ERAP1: variants seen among roughly 807,000 people sequenced by gnomAD.
The protein encoded by ERAP1 is endoplasmic reticulum aminopeptidase 1.
In ERAP1, 86 loss-of-function variants were observed where a neutral mutation model predicts 103.7. That is an observed-to-expected ratio of 0.83 (90% CI 0.70 to 0.99). The LOEUF (loss-of-function observed/expected upper bound fraction) is 0.99. Ranked by LOEUF, ERAP1 falls within the 50% of genes least tolerant of loss-of-function variation. The pLI is 0.00. For missense variants in ERAP1, 1,009 were observed against 1,128.4 expected (o/e 0.89, Z 1.52); for synonymous variants, 398 against 402.4 (o/e 0.99, Z 0.13).
chr5:96,908,982 CA>C, the ERAP1 span: 1 of 1,614,118 alleles, frequency 6.2e-7, no homozygotes, highest in Non-Finnish European at 8.5e-7. Flanking sequence ...TGACCCTAGA[CA>C]AAGCTCTTGA....
At chr5:96,876,858 A>G in the ERAP1 span, among the ~76,000 whole-genome samples, 40 of 152,366 alleles carry the variant, frequency 2.6e-4, no homozygotes, top group African/African-American at 9.4e-4. Flanking sequence ...AAAGCCCACC[A>G]GACCAAAGGG....
At chr5:96,803,975 T>C (rs1444539072) in intron 1 of ERAP1, 32 bp from the exon 2 acceptor site, 16 of 1,595,970 alleles carry the variant, frequency 1.0e-5, no homozygotes, top group African/African-American at 1.3e-5. Context: ...AGCAAAAATA[T>C]ATGTCATTAA....
chr5:96,814,578 T>C, the ERAP1 span, among the ~76,000 whole-genome samples: 4 of 152,152 alleles, frequency 2.6e-5, no homozygotes, highest in African/African-American at 4.8e-5. Flanking sequence ...GAGCTGAAAA[T>C]AGGAATATCT....
the ERAP1 span, among the ~76,000 whole-genome samples, chr5:96,838,728 G>A: frequency 6.6e-6 from 1 of 152,130 alleles, no homozygotes; most frequent in African/African-American, 2.4e-5. Flanking sequence ...GAACTGGAAA[G>A]GCCTCACAGA....
At chr5:96,783,746 A>T (rs1420403433) in intron 14 of ERAP1, among the ~76,000 whole-genome samples, 178 bp downstream of exon 14, 1 of 236 alleles carries the variant, frequency 4.2e-3, no homozygotes, top group Non-Finnish European at 6.9e-3. Flanking sequence ...GCCAAATAAA[A>T]CCAAAATCTT....
the ERAP1 span, among the ~76,000 whole-genome samples, chr5:96,842,147 A>G: frequency 5.6e-3 from 857 of 152,284 alleles, 11 homozygotes; most frequent in Admixed American, 0.014. Context: ...GTAGTATTCC[A>G]TGGTATATGT....
chr5:96,823,374 T>C, the ERAP1 span, among the ~76,000 whole-genome samples: 1 of 152,196 alleles, frequency 6.6e-6, no homozygotes, highest in Non-Finnish European at 1.5e-5. Flanking sequence ...TTCCCATCTT[T>C]CTACTTTTCA....
the ERAP1 span, among the ~76,000 whole-genome samples, chr5:96,838,530 A>G: frequency 6.6e-6 from 1 of 152,228 alleles, no homozygotes; most frequent in Non-Finnish European, 1.5e-5. Context: ...CTTGTATTGT[A>G]ACTTGAATTC....
chr5:96,884,729 T>G, the ERAP1 span, among the ~76,000 whole-genome samples: 1 of 151,752 alleles, frequency 6.6e-6, no homozygotes, highest in African/African-American at 2.4e-5. Context: ...GACTAACTTT[T>G]TTTGTATTTT....
the ERAP1 span, among the ~76,000 whole-genome samples, chr5:96,832,188 G>A: frequency 2.6e-5 from 4 of 152,114 alleles, no homozygotes; most frequent in East Asian, 3.9e-4. Context: ...CTATATTAAC[G>A]GAAGCTCTCT....
At chr5:96,802,991 G>C (rs904482498) in intron 2 of ERAP1, among the ~76,000 whole-genome samples, 1 of 151,910 alleles carries the variant, frequency 6.6e-6, no homozygotes, top group African/African-American at 2.4e-5. Context: ...GAGGGAGCAC[G>C]GGCCTGCTGA....
At chr5:96,904,798 A>C in the ERAP1 span, among the ~76,000 whole-genome samples, 1 of 152,234 alleles carries the variant, frequency 6.6e-6, no homozygotes, top group Non-Finnish European at 1.5e-5. Context: ...CTATCCACTT[A>C]GATTGTCTAA....
chr5:96,930,856 C>A, the ERAP1 span, among the ~76,000 whole-genome samples: 1 of 152,144 alleles, frequency 6.6e-6, no homozygotes, highest in Non-Finnish European at 1.5e-5. Flanking sequence ...GGAGCTTATG[C>A]TTGGACATAA....
At chr5:96,785,372 C>G (rs952468132) in intron 13 of ERAP1, 2 of 240,134 alleles carry the variant, frequency 8.3e-6, no homozygotes, top group African/African-American at 4.6e-5. Flanking sequence ...CAACTTGGGC[C>G]TGTGTCACTT....
At chr5:96,904,660 G>C in the ERAP1 span, among the ~76,000 whole-genome samples, 1 of 152,306 alleles carries the variant, frequency 6.6e-6, no homozygotes, top group African/African-American at 2.4e-5. Flanking sequence ...CCTGCTCAAA[G>C]GAGAAGCTCT....
At chr5:96,804,611 A>C (rs1480040019) in intron 1 of ERAP1, 1 of 154,714 alleles carries the variant, frequency 6.5e-6, no homozygotes, top group Non-Finnish European at 1.4e-5. Flanking sequence ...AGTTTGTGGC[A>C]AACGTATCAA....
At chr5:96,771,556 A>G, downstream of ERAP1, 1 of 937,352 alleles carries the variant, frequency 1.1e-6, no homozygotes, top group South Asian at 1.6e-5. Flanking sequence ...ACTGACTGCC[A>G]TCTTTTGTCC....
Position 96,785,081 on chromosome 5 carries a change from A to G in ERAP1, c.1943+707T>C, listed in dbSNP as rs75306984. 3.3e-5 allele frequency: 5 copies of G among 153,044 alleles called. No individual in the cohort carries two copies. In the East Asian group the frequency reaches 7.7e-4, roughly 24 times the overall value. The allele number at this position is 153,044 out of a possible 1,614,324, so 9.5% of individuals were successfully genotyped here. On this transcript the variant is annotated intron_variant, in intron 13 of 18. Transcript: ENST00000443439. ...CAGAAGGATACGGGTATGAGGAGAA[A>G]GAGATAATCCTTCCCACCTGCATGC... is the stretch of plus-strand genomic sequence containing the variant.
At chr5:96,809,888 G>C (rs1301545591), upstream of ERAP1, among the ~76,000 whole-genome samples, 1 of 151,960 alleles carries the variant, frequency 6.6e-6, no homozygotes, top group Non-Finnish European at 1.5e-5. Context: ...TTTTGTTTTT[G>C]TTTTTGTTTT....
Sources: allele counts gnomAD v4.1 joint callset (sites outside exome capture counted in the v4.1 genomes callset), GRCh38; gene constraint gnomAD v4.1.1; transcripts MANE v1.5; gene names NCBI Gene and HGNC (gene_info 2026-07-23, HGNC 2026-07-21).